Variants in TIAM1 observed in about 807,000 individuals in gnomAD.
TIAM1 encodes TIAM Rac1 associated GEF 1.
TIAM1 carries 65 observed loss-of-function variants against 163.5 expected under a neutral mutation model. That is an observed-to-expected ratio of 0.40 (90% CI 0.33 to 0.49). The LOEUF is 0.49. Ranked by LOEUF, TIAM1 falls within the 20% of genes least tolerant of loss-of-function variation. The probability of loss-of-function intolerance (pLI) is 0.77; values close to 1 mark genes in which losing one functional copy is unlikely to be tolerated. For missense variants in TIAM1, 1,789 were observed against 2,044.7 expected, an observed-to-expected ratio of 0.87 and a Z score of 2.41; for synonymous variants, 833 against 810.1, an observed-to-expected ratio of 1.03 and a Z score of -0.48.
At chr21:31,296,951 C>CCG in intron 2 of TIAM1, among the ~76,000 whole-genome samples, 1 of 152,312 alleles carries the variant, frequency 6.6e-6, no homozygotes, top group South Asian at 2.1e-4. Flanking sequence ...GCATGAGCCA[C>CCG]TGCATCTGGC....
intron 27 of TIAM1, among the ~76,000 whole-genome samples, chr21:31,123,682 G>A (rs939149782): frequency 6.6e-6 from 1 of 152,176 alleles, no homozygotes; most frequent in Non-Finnish European, 1.5e-5. Context: ...TCTGGCAAGT[G>A]CAAAGGGGGC....
intron 1 of TIAM1, among the ~76,000 whole-genome samples, chr21:31,520,856 C>T (rs1181859235): frequency 6.6e-6 from 1 of 152,210 alleles, no homozygotes; most frequent in Non-Finnish European, 1.5e-5. Context: ...CCTCCAATTC[C>T]CACCACTGGA....
chr21:31,402,865 T>C (rs1426190476), intron 2 of TIAM1, among the ~76,000 whole-genome samples: 1 of 151,982 alleles, frequency 6.6e-6, no homozygotes, highest in East Asian at 2.0e-4. Context: ...GGCAGGAGAA[T>C]GGCGTGAACC....
chr21:31,238,163 C>T (rs1601660053), intron 6 of TIAM1, among the ~76,000 whole-genome samples: 1 of 152,182 alleles, frequency 6.6e-6, no homozygotes, highest in African/African-American at 2.4e-5. Flanking sequence ...CTGAATTGAG[C>T]CCTGGGGCTG....
chr21:31,456,615 A>G (rs1295083584), intron 2 of TIAM1, among the ~76,000 whole-genome samples: 2 of 152,194 alleles, frequency 1.3e-5, no homozygotes, highest in African/African-American at 4.8e-5. Flanking sequence ...CATGTTTTTA[A>G]AACTTTTTAC....
intron 20 of TIAM1, among the ~76,000 whole-genome samples, chr21:31,143,373 T>C (rs2082947355): frequency 6.6e-6 from 1 of 152,000 alleles, no homozygotes. Context: ...GCACCTGGAA[T>C]GTCACAGGAA....
chr21:31,206,913 G>T (rs1188230529), intron 11 of TIAM1, among the ~76,000 whole-genome samples: 1 of 148,972 alleles, frequency 6.7e-6, no homozygotes, highest in African/African-American at 2.6e-5. Context: ...CAAACATGTA[G>T]TCACTGCATA....
chr21:31,251,042 C>G (rs1046056193), intron 5 of TIAM1, among the ~76,000 whole-genome samples: 2 of 152,176 alleles, frequency 1.3e-5, no homozygotes, highest in Non-Finnish European at 1.5e-5. Context: ...ATGAAATTAA[C>G]ATTATTCTAC....
upstream of TIAM1, among the ~76,000 whole-genome samples, chr21:31,344,580 C>A (rs977936305): frequency 6.6e-6 from 1 of 152,136 alleles, no homozygotes; most frequent in Non-Finnish European, 1.5e-5. Flanking sequence ...AAAAGGCCAG[C>A]AATGTTACAT....
At chr21:31,153,830 G>A (rs925011086) in intron 17 of TIAM1, among the ~76,000 whole-genome samples, 48 of 152,090 alleles carry the variant, frequency 3.2e-4, no homozygotes, top group African/African-American at 1.1e-3. Context: ...GGAGGCCAAG[G>A]TGGGAGGATC....
At chr21:31,172,773 CAGG>C (rs1365462153) in intron 15 of TIAM1, among the ~76,000 whole-genome samples, 1 of 151,986 alleles carries the variant, frequency 6.6e-6, no homozygotes, top group Non-Finnish European at 1.5e-5. Context: ...GAGGTTAGAG[CAGG>C]AGATCACTTG....
At chr21:31,458,654 C>T (rs1347980669) in intron 2 of TIAM1, among the ~76,000 whole-genome samples, 3 of 152,096 alleles carry the variant, frequency 2.0e-5, no homozygotes, top group Admixed American at 6.6e-5. Context: ...CCTTGGGAAC[C>T]CTTTACTCTA....
chr21:31,313,096 A>G (rs2074991251), intron 2 of TIAM1, among the ~76,000 whole-genome samples: 1 of 152,218 alleles, frequency 6.6e-6, no homozygotes, highest in South Asian at 2.1e-4. Context: ...AAGATACGAC[A>G]AGCCCAAACA....
intron 2 of TIAM1, among the ~76,000 whole-genome samples, chr21:31,406,466 T>A (rs898045128): frequency 1.8e-4 from 28 of 152,100 alleles, no homozygotes; most frequent in Admixed American, 1.6e-3. Context: ...ATTATAATTC[T>A]CGGGAAGATT....
In TIAM1 at chr21:31,210,654, AAAG is replaced by A. The variant is rs1262269027; in HGVS notation, c.2218-442_2218-440del. On this transcript the variant is annotated intron_variant, in intron 10 of 27. Transcript: ENST00000541036. The stretch of plus-strand genomic sequence containing the variant: ...GAAAGAAAGAAAGAAAGAAAGAAAG[AAAG>A]AAAGAAAGAAAAAGAAAGAAAGAAA... Among the ~76,000 whole-genome samples the A allele has an allele frequency of 7.4e-4, 14 of 18,898 alleles. 1 individual carries two copies. The highest frequency in any genetic ancestry group is 3.3e-3 in the African/African-American group (13 of 3,926). 12.4% of individuals were successfully genotyped at this position (18,898 alleles called of 152,430 possible). A position where few individuals can be genotyped will look rare whatever the true frequency, so the allele number is the denominator to read the frequency against.
chr21:31,204,240 T>C (rs937761615), intron 11 of TIAM1, among the ~76,000 whole-genome samples: 1 of 152,094 alleles, frequency 6.6e-6, no homozygotes, highest in African/African-American at 2.4e-5. Flanking sequence ...AAAGCGCTAA[T>C]AGATAGAAAT....
chr21:31,136,490 G>GAA (rs11381986), intron 22 of TIAM1, among the ~76,000 whole-genome samples: 4,562 of 150,636 alleles, frequency 0.03, 227 homozygotes, highest in African/African-American at 0.1. Flanking sequence ...AAATTTTAAC[G>GAA]AAAAAAAAAA....
At position 31,135,951 on chromosome 21, in the gene TIAM1, G is replaced by A. The variant is rs201201080; in HGVS notation, c.3865C>T (p.Pro1289Ser). Residue 1289 changes from proline to serine, a missense_variant, in exon 23 of 28, where the codon CCA becomes TCA. Physicochemically the swap from Pro to Ser is moderately conservative, Grantham distance 74. This residue lies in a region of TIAM1 where 415 missense variants were observed against 439.2 expected (regional missense o/e 0.94). Transcript: ENST00000541036. Reference sequence around the variant, plus strand: ...TACACACCGAATGCTGCCAACTCTGGTTCCTTTTTCCACTTGCCCAGCGAG... The same window carrying A: ...TACACACCGAATGCTGCCAACTCTGATTCCTTTTTCCACTTGCCCAGCGAG... ...PASLGKWKKE[P>S]ELAAFVFKTA... 8 of 1,614,150 alleles carry A rather than the reference G, an allele frequency of 5.0e-6. No individual in the cohort carries two copies. The highest frequency in any genetic ancestry group is 3.3e-5 in the Admixed American group (2 of 60,014).
chr21:31,401,665 G>A (rs958121903), intron 2 of TIAM1, among the ~76,000 whole-genome samples: 1 of 152,162 alleles, frequency 6.6e-6, no homozygotes, highest in East Asian at 1.9e-4. Flanking sequence ...GCTCATGCCT[G>A]TAATCCCAGC....
Sources: allele counts gnomAD v4.1 joint callset (sites outside exome capture counted in the v4.1 genomes callset), GRCh38; gene constraint gnomAD v4.1.1; regional missense constraint gnomAD v4.1.1; transcripts MANE v1.5; gene names NCBI Gene and HGNC (gene_info 2026-07-23, HGNC 2026-07-21).